Variants in GATAD2B observed in about 807,000 individuals in gnomAD.
GATAD2B encodes the protein GATA zinc finger domain containing 2B.
GATAD2B carries 8 observed loss-of-function variants against 64.3 expected under a neutral mutation model. That is an observed-to-expected ratio of 0.12 (90% CI 0.07 to 0.22). GATAD2B has a LOEUF of 0.22. GATAD2B is among the 10% of genes least tolerant of loss of function. GATAD2B has a pLI of 1.00. For synonymous variants in GATAD2B, 281 were observed against 271.3 expected (o/e 1.04, Z -0.35); for missense variants, 453 against 752.0 (o/e 0.60, Z 4.65).
At chr1:153,899,620 T>C (rs1257364704) in intron 1 of GATAD2B, among the ~76,000 whole-genome samples, 1 of 151,778 alleles carries the variant, frequency 6.6e-6, no homozygotes, top group African/African-American at 2.4e-5. Context: ...AATTGGGCTG[T>C]AGTCACATGC....
At chr1:153,843,372 G>A (rs1401653241) in intron 1 of GATAD2B, among the ~76,000 whole-genome samples, 1 of 151,948 alleles carries the variant, frequency 6.6e-6, no homozygotes, top group African/African-American at 2.4e-5. Flanking sequence ...TTAGCAATCT[G>A]CAGCCTCAAA....
chr1:153,853,225 G>T (rs1557804562), intron 1 of GATAD2B: 2 of 1,113,662 alleles, frequency 1.8e-6, no homozygotes, highest in East Asian at 4.7e-5. Context: ...AGAGCACACT[G>T]GTCATGGCCA....
chr1:153,830,478 A>ATTTTTTTTT (rs1158508480), intron 1 of GATAD2B, among the ~76,000 whole-genome samples: 4 of 85,924 alleles, frequency 4.7e-5, no homozygotes, highest in Non-Finnish European at 7.3e-5. Flanking sequence ...TATTTTATTT[A>ATTTTTTTTT]TTTATTTTTT....
intron 1 of GATAD2B, among the ~76,000 whole-genome samples, chr1:153,855,345 C>T (rs1432624749): frequency 6.6e-6 from 1 of 152,042 alleles, no homozygotes; most frequent in Non-Finnish European, 1.5e-5. Flanking sequence ...TCTCTCACCT[C>T]AGCCTCCCGA....
At chr1:153,834,237 C>G (rs1168484313) in intron 1 of GATAD2B, among the ~76,000 whole-genome samples, 1 of 151,694 alleles carries the variant, frequency 6.6e-6, no homozygotes, top group African/African-American at 2.4e-5. Flanking sequence ...AACTCCTGAC[C>G]TCGTGATCCG....
chr1:153,806,123 A>T lies in GATAD2B; in HGVS notation c.*4054T>A, dbSNP rs569960783. On this transcript the variant is annotated 3_prime_UTR_variant, in exon 11 of 11. Transcript: ENST00000368655. ...GAATTTTGTTATATAGGTATATTGT[A>T]TATATGCTGATGCAATCAGAGGAAA... 6.6e-6 allele frequency: 1 copy of T among 152,292 alleles called. No individual in the cohort carries two copies. Among genetic ancestry groups the T allele is most frequent in the African/African-American group, 2.4e-5 (1 of 41,548 alleles). The allele number at this position is 152,292 out of a possible 1,614,324, so 9.4% of individuals were successfully genotyped here.
At chr1:153,898,568 A>T (rs1391913918) in intron 1 of GATAD2B, among the ~76,000 whole-genome samples, 2 of 151,758 alleles carry the variant, frequency 1.3e-5, no homozygotes, top group Non-Finnish European at 2.9e-5. Flanking sequence ...TCTACTAAAC[A>T]TACAAAAAAA....
chr1:153,824,727 A>G (rs1334655761), intron 2 of GATAD2B, among the ~76,000 whole-genome samples: 1 of 151,912 alleles, frequency 6.6e-6, no homozygotes, highest in Non-Finnish European at 1.5e-5. Flanking sequence ...AGATCTTATC[A>G]AAATGTCTAC....
chr1:153,915,964 G>GCAATAGT (rs1284727134), intron 1 of GATAD2B, among the ~76,000 whole-genome samples: 1 of 152,082 alleles, frequency 6.6e-6, no homozygotes, highest in Non-Finnish European at 1.5e-5. Context: ...TATTTTGAAG[G>GCAATAGT]CACGATGATA....
intron 1 of GATAD2B, among the ~76,000 whole-genome samples, chr1:153,869,391 AG>A (rs1199780969): frequency 6.6e-6 from 1 of 152,066 alleles, no homozygotes; most frequent in Non-Finnish European, 1.5e-5. Flanking sequence ...GTTTCACTGC[AG>A]AAAACAATTG....
At chr1:153,863,772 T>C (rs1377932322) in intron 1 of GATAD2B, among the ~76,000 whole-genome samples, 1 of 151,934 alleles carries the variant, frequency 6.6e-6, no homozygotes, top group Non-Finnish European at 1.5e-5. Flanking sequence ...TACAGGCACG[T>C]GCCACAATGC....
chr1:153,834,000 GGTT>G (rs1675176729), intron 1 of GATAD2B, among the ~76,000 whole-genome samples: 2 of 148,592 alleles, frequency 1.3e-5, no homozygotes, highest in Middle Eastern at 3.5e-3. Context: ...GTTTTTTTTT[GGTT>G]GTTTTTTGTT....
At chr1:153,882,748 T>A (rs1677044916) in intron 1 of GATAD2B, among the ~76,000 whole-genome samples, 1 of 150,988 alleles carries the variant, frequency 6.6e-6, no homozygotes, top group Non-Finnish European at 1.5e-5. Context: ...CACACATCCC[T>A]ATGTCATTCT....
chr1:153,823,354 C>T (rs1046262653), intron 2 of GATAD2B, among the ~76,000 whole-genome samples: 1 of 152,198 alleles, frequency 6.6e-6, no homozygotes, highest in Admixed American at 6.5e-5. Flanking sequence ...CAGACAACTG[C>T]TGTGTCTCTC....
chr1:153,823,470 A>G (rs1238101623), intron 2 of GATAD2B, among the ~76,000 whole-genome samples: 1 of 152,192 alleles, frequency 6.6e-6, no homozygotes, highest in East Asian at 1.9e-4. Context: ...CTATTATGAC[A>G]TGGCTATTAT....
At chr1:153,913,746 G>A (rs1342685972) in intron 1 of GATAD2B, among the ~76,000 whole-genome samples, 2 of 148,664 alleles carry the variant, frequency 1.3e-5, no homozygotes, top group African/African-American at 5.0e-5. Context: ...GTAAAACCCT[G>A]TCTCTATTAA....
chr1:153,819,863 C>T, intron 2 of GATAD2B, 128 bp from the exon 3 acceptor site: 1 of 659,882 alleles, frequency 1.5e-6, no homozygotes, highest in Non-Finnish European at 2.4e-6. Context: ...CTTTGGGAGA[C>T]CGAGGCGGGT....
chr1:153,899,808 G>A (rs1003775338), intron 1 of GATAD2B, among the ~76,000 whole-genome samples: 3 of 152,084 alleles, frequency 2.0e-5, no homozygotes, highest in African/African-American at 7.2e-5. Flanking sequence ...CTGTTGGTGC[G>A]GTTGTAAACT....
chr1:153,828,072 A>G lies in GATAD2B; in HGVS notation c.276T>C (p.Ala92=), dbSNP rs765914926. The G allele has an allele frequency of 1.8e-5, 29 of 1,614,036 alleles. No homozygotes were observed. The highest frequency in any genetic ancestry group is 2.7e-5 in the African/African-American group (2 of 74,924). The change falls in exon 2 of 11, where the codon GCT becomes GCC. Residue 92 remains alanine, a synonymous_variant. Coordinates refer to ENST00000368655, the MANE Select transcript of GATAD2B (RefSeq NM_020699.4). ...TGATGTTTTCTTTGCCTGGCCTTCC[A>G]GCAGTCCTGTTGTCTCCATGAGGCC... ...NLRPHGDNRT[A]GRPGKENIND...
Sources: gnomAD v4.1 joint callset for allele counts (sites outside exome capture counted in the v4.1 genomes callset) on GRCh38, gnomAD v4.1.1 for gene constraint, MANE v1.5 for transcripts, NCBI Gene and HGNC (gene_info 2026-07-23, HGNC 2026-07-21) for gene names.